PPM1H: variants seen among roughly 807,000 people sequenced by gnomAD.
The protein encoded by PPM1H is protein phosphatase 1H.
In PPM1H, 27 loss-of-function variants were observed where a neutral mutation model predicts 54.9. The observed-to-expected ratio is 0.49, with a 90% CI of 0.36 to 0.68. The LOEUF (loss-of-function observed/expected upper bound fraction) is 0.68. PPM1H is among the 30% of genes least tolerant of loss of function. The probability of loss-of-function intolerance (pLI) is 0.00; values close to 1 mark genes in which losing one functional copy is unlikely to be tolerated. For missense variants in PPM1H, 596 were observed against 667.8 expected (o/e 0.89, Z 1.19); for synonymous variants, 305 against 270.8 (o/e 1.13, Z -1.24).
chr12:62,750,313 A>C (rs913967362), intron 4 of PPM1H, among the ~76,000 whole-genome samples: 2 of 152,204 alleles, frequency 1.3e-5, no homozygotes, highest in African/African-American at 4.8e-5. Context: ...TGCAAATACT[A>C]ATCTACTTTG....
chr12:62,815,217 C>T (rs2076859239), intron 2 of PPM1H, among the ~76,000 whole-genome samples: 1 of 151,742 alleles, frequency 6.6e-6, no homozygotes, highest in South Asian at 2.1e-4. Flanking sequence ...TTCGGATACT[C>T]TGCTCTGCAG....
At chr12:62,672,566 A>AC (rs2075962522) in intron 8 of PPM1H, among the ~76,000 whole-genome samples, 1 of 152,142 alleles carries the variant, frequency 6.6e-6, no homozygotes, top group Admixed American at 6.5e-5. Flanking sequence ...CTTCAACAGG[A>AC]CCCCAGGGAA....
rs2076624307 is a variant in PPM1H at position 62,778,598 on chromosome 12, T to TA, written c.869+9627dup. 4.6e-5 allele frequency among the ~76,000 whole-genome samples: 7 copies of TA among 152,286 alleles called. No individual in the cohort carries two copies. In the South Asian group the frequency reaches 1.4e-3, roughly 32 times the overall value. On this transcript the variant is annotated intron_variant, in intron 4 of 9. Coordinates refer to ENST00000228705, the MANE Select transcript of PPM1H (RefSeq NM_020700.2). Reference sequence around the variant, plus strand: ...CAAAGGCACTGCTTCATTAAACTCTTAAAGGAAAGAGACAAAAATGAAAAT... The same window carrying TA: ...CAAAGGCACTGCTTCATTAAACTCTTAAAAGGAAAGAGACAAAAATGAAAAT...
intron 2 of PPM1H, among the ~76,000 whole-genome samples, chr12:62,805,306 C>T (rs939518891): frequency 2.6e-5 from 4 of 152,006 alleles, no homozygotes; most frequent in Non-Finnish European, 4.4e-5. Flanking sequence ...TATGGAGGTT[C>T]CTCAAAAAAT....
intron 4 of PPM1H, among the ~76,000 whole-genome samples, chr12:62,757,107 C>T (rs957274034): frequency 1.3e-5 from 2 of 152,150 alleles, no homozygotes; most frequent in African/African-American, 4.8e-5. Flanking sequence ...CTGAGAGGCA[C>T]TGTTTGGTCC....
At chr12:62,828,961 G>A (rs565209082) in intron 2 of PPM1H, among the ~76,000 whole-genome samples, 1 of 151,920 alleles carries the variant, frequency 6.6e-6, no homozygotes. Flanking sequence ...GCAAGTGCTG[G>A]TGAAGACGTG....
At chr12:62,789,215 A>G (rs1482435497) in intron 3 of PPM1H, among the ~76,000 whole-genome samples, 1 of 152,024 alleles carries the variant, frequency 6.6e-6, no homozygotes, top group Admixed American at 6.6e-5. Context: ...GGGTCTCACT[A>G]TGTTGCCCAG....
chr12:62,892,548 T>C (rs1359315067), intron 1 of PPM1H, among the ~76,000 whole-genome samples: 3 of 152,232 alleles, frequency 2.0e-5, no homozygotes, highest in African/African-American at 7.2e-5. Flanking sequence ...ATCCTGTTGC[T>C]CTACTTCTAT....
intron 5 of PPM1H, among the ~76,000 whole-genome samples, chr12:62,731,631 C>T (rs2076321559): frequency 6.6e-6 from 1 of 152,184 alleles, no homozygotes; most frequent in Non-Finnish European, 1.5e-5. Flanking sequence ...TAATGTTGCA[C>T]TTGTGTTCAT....
intron 9 of PPM1H, 25 bp downstream of exon 9, chr12:62,667,153 C>T: frequency 1.3e-6 from 2 of 1,537,770 alleles, no homozygotes; most frequent in Non-Finnish European, 1.8e-6. Context: ...GAGGAACAAC[C>T]CTACAATTGT....
chr12:62,782,065 G>A (rs549122174), intron 4 of PPM1H, among the ~76,000 whole-genome samples: 11 of 152,206 alleles, frequency 7.2e-5, no homozygotes, highest in Admixed American at 3.9e-4. Flanking sequence ...AAAGTGAGAG[G>A]AATAGTGTAT....
intron 4 of PPM1H, among the ~76,000 whole-genome samples, chr12:62,779,290 GCCTGCCTCGGCCT>G (rs1365451706): frequency 6.6e-6 from 1 of 152,006 alleles, no homozygotes. Context: ...CTTGTGATCT[GCCTGCCTCGGCCT>G]CCCAAAGTGC....
chr12:62,732,762 C>T (rs185954959), intron 5 of PPM1H, among the ~76,000 whole-genome samples: 6 of 152,004 alleles, frequency 3.9e-5, no homozygotes, highest in African/African-American at 9.6e-5. Flanking sequence ...TTAGTAGGGA[C>T]GGGGTTTCAC....
At chr12:62,789,828 C>T (rs113558067) in intron 3 of PPM1H, among the ~76,000 whole-genome samples, 2 of 152,386 alleles carry the variant, frequency 1.3e-5, no homozygotes, top group Admixed American at 6.5e-5. Context: ...AATAGACCAA[C>T]ACTGGCATCA....
chr12:62,930,023 GAAA>G (rs1872084811), intron 1 of PPM1H, among the ~76,000 whole-genome samples: 1 of 152,166 alleles, frequency 6.6e-6, no homozygotes, highest in African/African-American at 2.4e-5. Context: ...AAGGGAAAAA[GAAA>G]GGCCAGGGGA....
chr12:62,667,169 T>G lies in PPM1H; in HGVS notation c.1397+9A>C, dbSNP rs1179717548. ...AGGAACAACCCTACAATTGTAGAAA[T>G]GCACAAACCTGTGAGGATCATCTGG... On this transcript the variant is annotated intron_variant, in intron 9 of 9. Coordinates refer to ENST00000228705, the MANE Select transcript of PPM1H (RefSeq NM_020700.2). The G allele has an allele frequency of 6.4e-7, 1 of 1,563,656 alleles. No homozygotes were observed. The highest frequency in any genetic ancestry group is 1.8e-5 in the Admixed American group (1 of 56,250).
At chr12:62,854,040 AAAAACAAAACAAAGC>A (rs1438625707) in intron 1 of PPM1H, among the ~76,000 whole-genome samples, 1 of 152,226 alleles carries the variant, frequency 6.6e-6, no homozygotes, top group Non-Finnish European at 1.5e-5. Flanking sequence ...CAGCAGACCA[AAAAACAAAACAAAGC>A]AAAACAAAAC....
At chr12:62,665,548 C>T (rs1307310359) in intron 9 of PPM1H, among the ~76,000 whole-genome samples, 2 of 152,170 alleles carry the variant, frequency 1.3e-5, no homozygotes, top group Non-Finnish European at 2.9e-5. Flanking sequence ...TTGTCTAAGC[C>T]ATCTACTGGA....
intron 9 of PPM1H, among the ~76,000 whole-genome samples, 173 bp from the exon 10 acceptor site, chr12:62,648,809 G>A (rs2075800402): frequency 6.6e-6 from 1 of 152,240 alleles, no homozygotes; most frequent in African/African-American, 2.4e-5. Flanking sequence ...CACCTAATGT[G>A]AGATTATTGT....
Sources: allele counts gnomAD v4.1 joint callset (sites outside exome capture counted in the v4.1 genomes callset), GRCh38; gene constraint gnomAD v4.1.1; transcripts MANE v1.5; gene names NCBI Gene and HGNC (gene_info 2026-07-23, HGNC 2026-07-21).